CDKAL1: variants seen among roughly 807,000 people sequenced by gnomAD.
The protein encoded by CDKAL1 is CDKAL1 threonylcarbamoyladenosine tRNA methylthiotransferase, also known as threonylcarbamoyladenosine tRNA methylthiotransferase.
A neutral mutation model predicts 68.2 loss-of-function variants in CDKAL1; 32 were observed. That is an observed-to-expected ratio of 0.47 (90% confidence interval 0.35 to 0.63). The LOEUF (loss-of-function observed/expected upper bound fraction) is 0.63, where lower values mean the gene tolerates loss of function less well. Ranked by LOEUF, CDKAL1 falls within the 30% of genes least tolerant of loss-of-function variation. CDKAL1 has a pLI of 0.00. For missense variants in CDKAL1, 606 were observed against 696.7 expected (o/e 0.87, Z 1.47); for synonymous variants, 234 against 244.3 (o/e 0.96, Z 0.39).
intron 5 of CDKAL1, among the ~76,000 whole-genome samples, chr6:20,726,622 A>G (rs953874551): frequency 6.6e-6 from 1 of 152,216 alleles, no homozygotes; most frequent in African/African-American, 2.4e-5. Flanking sequence ...AGAAAGGAGA[A>G]CTTTTATTGG....
intron 8 of CDKAL1, among the ~76,000 whole-genome samples, chr6:20,827,699 G>A (rs994050061): frequency 6.6e-5 from 10 of 152,084 alleles, no homozygotes; most frequent in African/African-American, 2.2e-4. Flanking sequence ...TTTAACATTT[G>A]CAAAGTTCCA....
chr6:21,124,557 C>T (rs1253640850), intron 13 of CDKAL1, among the ~76,000 whole-genome samples: 1 of 151,890 alleles, frequency 6.6e-6, no homozygotes, highest in African/African-American at 2.4e-5. Context: ...TCCTAGACTC[C>T]TCCCACTCCC....
chr6:20,553,838 C>T (rs998257362), intron 4 of CDKAL1, among the ~76,000 whole-genome samples: 2 of 151,968 alleles, frequency 1.3e-5, no homozygotes, highest in African/African-American at 4.8e-5. Context: ...TCTCTAACTC[C>T]TGGCCTCAAG....
At chr6:21,004,263 T>C (rs151018236) in intron 11 of CDKAL1, among the ~76,000 whole-genome samples, 73 of 152,324 alleles carry the variant, frequency 4.8e-4, no homozygotes, top group African/African-American at 1.7e-3. Flanking sequence ...TGGCCCATGT[T>C]TTAGCTGGTA....
At chr6:21,125,016 T>C (rs186950191) in intron 13 of CDKAL1, among the ~76,000 whole-genome samples, 159 of 152,222 alleles carry the variant, frequency 1.0e-3, no homozygotes, top group Admixed American at 7.9e-3. Flanking sequence ...ATAAGTTGTT[T>C]TTTGTTTCTA....
At chr6:21,162,001 A>G (rs1776949235) in intron 13 of CDKAL1, among the ~76,000 whole-genome samples, 1 of 152,196 alleles carries the variant, frequency 6.6e-6, no homozygotes, top group Non-Finnish European at 1.5e-5. Context: ...GAGGCTTTTA[A>G]TAAGTAATAC....
In CDKAL1 at chr6:21,000,314, A is replaced by T. The variant is rs745867607; in HGVS notation, c.997A>T (p.Met333Leu). 3 of 1,613,844 alleles carry T rather than the reference A, an allele frequency of 1.9e-6. No individual in the cohort carries two copies. The highest frequency in any genetic ancestry group is 4.5e-5 in the East Asian group (2 of 44,886). The change falls in exon 11 of 16, where the codon ATG (methionine) becomes TTG (leucine). Residue 333 changes from methionine (M) to leucine (L), a missense_variant. By Grantham distance (15) the Met-to-Leu change is conservative. Transcript: ENST00000274695. ...QSASDSVLME[M>L]KREYCVADFK... ...TGCCTCCGACAGCGTACTCATGGAA[A>T]TGAAAAGAGAATACTGTGTGGCTGA...
intron 12 of CDKAL1, among the ~76,000 whole-genome samples, chr6:21,100,663 T>C (rs1385746162): frequency 6.7e-6 from 1 of 149,774 alleles, no homozygotes; most frequent in Non-Finnish European, 1.5e-5. Flanking sequence ...TTTGAGATTT[T>C]GAAGAGTTTG....
At chr6:20,727,439 A>T (rs1222033481) in intron 5 of CDKAL1, among the ~76,000 whole-genome samples, 2 of 152,336 alleles carry the variant, frequency 1.3e-5, no homozygotes, top group East Asian at 1.9e-4. Context: ...AACAAAGGGA[A>T]TGAAATACAG....
intron 4 of CDKAL1, among the ~76,000 whole-genome samples, chr6:20,617,492 T>C (rs1270466851): frequency 6.6e-6 from 1 of 152,234 alleles, no homozygotes; most frequent in Admixed American, 6.5e-5. Flanking sequence ...TAGATATACA[T>C]GTGCCATGTT....
chr6:20,620,476 A>G (rs1013347505), intron 4 of CDKAL1, among the ~76,000 whole-genome samples: 1 of 152,188 alleles, frequency 6.6e-6, no homozygotes, highest in African/African-American at 2.4e-5. Context: ...TATTATCCAC[A>G]TAAGATAGAT....
In CDKAL1 at chr6:20,895,842, A is replaced by G. The variant is rs970103906; in HGVS notation, c.742+49664A>G. Among the ~76,000 whole-genome samples, 7 of 152,290 alleles carry G rather than the reference A, an allele frequency of 4.6e-5. No homozygotes were observed. The South Asian group carries it at 8.3e-4, about 18-fold the overall frequency. ...TTACTATGGCAATATGCATATTTCA[A>G]TAGTCACTCCTGAAAGTTTTGTCCC... On this transcript the variant is annotated intron_variant, in intron 9 of 15. Transcript: ENST00000274695.
chr6:20,756,081 C>T (rs916160136), intron 6 of CDKAL1: 1 of 152,168 alleles, frequency 6.6e-6, no homozygotes, highest in African/African-American at 2.4e-5. Context: ...GCCCTTTTCT[C>T]ACTCTGACTT....
At chr6:21,049,284 T>A (rs1202465831) in intron 11 of CDKAL1, among the ~76,000 whole-genome samples, 1 of 152,212 alleles carries the variant, frequency 6.6e-6, no homozygotes, top group Admixed American at 6.5e-5. Flanking sequence ...TTTGCTGTAG[T>A]TTATGAATGT....
intron 13 of CDKAL1, among the ~76,000 whole-genome samples, chr6:21,190,321 A>T (rs576541904): frequency 5.4e-4 from 82 of 152,300 alleles, no homozygotes; most frequent in Non-Finnish European, 1.0e-3. Flanking sequence ...AGTTTATTAG[A>T]ACCATGATGT....
At chr6:20,663,019 T>C (rs1430629852) in intron 5 of CDKAL1, among the ~76,000 whole-genome samples, 1 of 152,144 alleles carries the variant, frequency 6.6e-6, no homozygotes, top group African/African-American at 2.4e-5. Context: ...GGTCTTTCCC[T>C]TTTGGTGTCA....
At chr6:20,722,924 C>T (rs1354819455) in intron 5 of CDKAL1, among the ~76,000 whole-genome samples, 2 of 152,126 alleles carry the variant, frequency 1.3e-5, no homozygotes, top group African/African-American at 4.8e-5. Flanking sequence ...CGCTTCCCAT[C>T]CCCTCTCCAC....
At chr6:20,841,105 G>A (rs1256511512) in intron 8 of CDKAL1, among the ~76,000 whole-genome samples, 4 of 152,160 alleles carry the variant, frequency 2.6e-5, no homozygotes, top group African/African-American at 9.7e-5. Context: ...AAAGTGCTAG[G>A]ATCACAGGCG....
intron 6 of CDKAL1, among the ~76,000 whole-genome samples, chr6:20,746,001 A>G (rs1302183732): frequency 1.3e-5 from 2 of 152,138 alleles, no homozygotes; most frequent in Non-Finnish European, 2.9e-5. Flanking sequence ...TGATGTCCCA[A>G]ACACTGTTTC....
Sources: gnomAD v4.1 joint callset for allele counts (sites outside exome capture counted in the v4.1 genomes callset) on GRCh38, gnomAD v4.1.1 for gene constraint, MANE v1.5 for transcripts, NCBI Gene and HGNC (gene_info 2026-07-23, HGNC 2026-07-21) for gene names.